ABCB1: variants seen among roughly 807,000 people sequenced by gnomAD.
The protein encoded by ABCB1 is ATP-dependent translocase ABCB1.
In ABCB1, 69 loss-of-function variants were observed where a neutral mutation model predicts 142.0. That is an observed-to-expected ratio of 0.49 (90% CI 0.40 to 0.59). The LOEUF is 0.59. ABCB1 is among the 20% of genes least tolerant of loss of function. The pLI is 0.00. For missense variants in ABCB1, 1,326 were observed against 1,554.7 expected, an observed-to-expected ratio of 0.85 and a Z score of 2.47; for synonymous variants, 532 against 539.2, an observed-to-expected ratio of 0.99 and a Z score of 0.18.
At chr7:87,600,265 C>G (rs1168463915) in intron 1 of ABCB1, 75 bp from the exon 2 acceptor site, 21 of 1,241,664 alleles carry the variant, frequency 1.7e-5, no homozygotes, top group Non-Finnish European at 2.4e-5. Flanking sequence ...ACCTCTAGTC[C>G]CCCGTCGAAG....
chr7:87,683,808 G>A (rs1827175501), intron 1 of ABCB1, among the ~76,000 whole-genome samples: 1 of 152,182 alleles, frequency 6.6e-6, no homozygotes, highest in Admixed American at 6.5e-5. Flanking sequence ...CGAAAGACTT[G>A]CTGGATGCAA....
chr7:87,523,867 T>C (rs1381705028), intron 21 of ABCB1, among the ~76,000 whole-genome samples: 1 of 152,172 alleles, frequency 6.6e-6, no homozygotes, highest in Non-Finnish European at 1.5e-5. Context: ...GTCTCTAAAG[T>C]CCCTTTTAAT....
chr7:87,593,753 A>G (rs2129971085), intron 3 of ABCB1, among the ~76,000 whole-genome samples: 1 of 152,336 alleles, frequency 6.6e-6, no homozygotes, highest in East Asian at 1.9e-4. Context: ...GATAAACAGC[A>G]TTCTACAAGT....
At chr7:87,674,934 G>C (rs1400583152) in intron 1 of ABCB1, among the ~76,000 whole-genome samples, 2 of 152,196 alleles carry the variant, frequency 1.3e-5, no homozygotes, top group African/African-American at 4.8e-5. Context: ...CCTTGGATGT[G>C]CTCCAGTGCA....
At chr7:87,610,232 CT>C (rs914468581) in intron 1 of ABCB1, among the ~76,000 whole-genome samples, 7,896 of 117,014 alleles carry the variant, frequency 0.067, 217 homozygotes, top group African/African-American at 0.11. Context: ...CTTTTTCTTT[CT>C]TTTTTTTTTT....
At chr7:87,709,744 T>G (rs1465588778) in intron 1 of ABCB1, among the ~76,000 whole-genome samples, 1 of 152,204 alleles carries the variant, frequency 6.6e-6, no homozygotes. Flanking sequence ...ATACTGCCAT[T>G]GCAGTGTTTC....
At chr7:87,641,280 G>A (rs974245143) in intron 1 of ABCB1, among the ~76,000 whole-genome samples, 4 of 152,112 alleles carry the variant, frequency 2.6e-5, no homozygotes, top group Admixed American at 6.6e-5. Flanking sequence ...GAAAGATATC[G>A]CCAACAGTTT....
At chr7:87,517,985 C>T (rs1415686768) in intron 23 of ABCB1, among the ~76,000 whole-genome samples, 1 of 152,182 alleles carries the variant, frequency 6.6e-6, no homozygotes, top group Non-Finnish European at 1.5e-5. Flanking sequence ...TGAAATATTG[C>T]TAAAAACTCC....
chr7:87,521,240 T>C, intron 21 of ABCB1: 1 of 352,794 alleles, frequency 2.8e-6, no homozygotes. Context: ...ACAGTTATTT[T>C]ACACTTATTT....
intron 1 of ABCB1, among the ~76,000 whole-genome samples, chr7:87,688,171 T>C (rs1388513204): frequency 1.3e-5 from 2 of 152,152 alleles, no homozygotes; most frequent in Non-Finnish European, 2.9e-5. Context: ...GAAGCAGATA[T>C]TGTATCTCAG....
intron 5 of ABCB1, 144 bp from the exon 6 acceptor site, chr7:87,567,120 T>A: frequency 1.3e-6 from 1 of 764,854 alleles, no homozygotes; most frequent in Non-Finnish European, 2.3e-6. Context: ...ACAAGCAGAG[T>A]TGATAGTCAC....
intron 1 of ABCB1, among the ~76,000 whole-genome samples, chr7:87,622,214 A>T (rs1164029798): frequency 6.6e-6 from 1 of 152,180 alleles, no homozygotes; most frequent in East Asian, 1.9e-4. Flanking sequence ...TTTGCCATAC[A>T]TACAATAAAC....
At chr7:87,610,445 A>G (rs1003066413) in intron 1 of ABCB1, among the ~76,000 whole-genome samples, 3 of 120,392 alleles carry the variant, frequency 2.5e-5, no homozygotes, top group African/African-American at 9.9e-5. Context: ...CTGCCTGTGT[A>G]GCCCAGGCTG....
intron 25 of ABCB1, among the ~76,000 whole-genome samples, chr7:87,513,589 A>G (rs1815110083): frequency 6.6e-6 from 1 of 152,188 alleles, no homozygotes; most frequent in Admixed American, 6.5e-5. Context: ...TTTGAGAACC[A>G]CTACTCAAAC....
Position 87,531,743 on chromosome 7 carries a change from T to C in ABCB1, c.2482-246A>G, listed in dbSNP as rs546250769. 4 of 468,982 alleles carry C rather than the reference T, an allele frequency of 8.5e-6. No individual in the cohort carries two copies. The South Asian group carries it at 9.8e-5, about 12-fold the overall frequency. The allele number at this position is 468,982 out of a possible 1,614,324, so 29.1% of individuals were successfully genotyped here. On this transcript the variant is annotated intron_variant, in intron 20 of 27. Transcript: ENST00000622132. ...CATATTCCTATCTCTTTGGATCTTT[T>C]AATACCAAGAAAACCTTCATTAATC...
At chr7:87,626,166 CAT>C (rs1286099631) in intron 1 of ABCB1, among the ~76,000 whole-genome samples, 2 of 128,656 alleles carry the variant, frequency 1.6e-5, no homozygotes, top group Admixed American at 8.0e-5. Flanking sequence ...ATATATGTGT[CAT>C]ATATATTGTC....
At chr7:87,545,070 G>T in intron 15 of ABCB1, 71 bp from the exon 16 acceptor site, 1 of 1,423,686 alleles carries the variant, frequency 7.0e-7, no homozygotes, top group Non-Finnish European at 9.8e-7. Flanking sequence ...ATCACTGAAT[G>T]TCAGCTATCA....
At chr7:87,590,965 C>A (rs1818977008) in intron 3 of ABCB1, among the ~76,000 whole-genome samples, 1 of 152,136 alleles carries the variant, frequency 6.6e-6, no homozygotes, top group East Asian at 1.9e-4. Context: ...AATTCTCCCC[C>A]CACAGCCTGT....
chr7:87,634,843 G>T (rs1029583690), intron 1 of ABCB1, among the ~76,000 whole-genome samples: 1 of 152,056 alleles, frequency 6.6e-6, no homozygotes, highest in Non-Finnish European at 1.5e-5. Flanking sequence ...TTGGAAGCAG[G>T]TTCAGTATTA....
Sources: allele counts gnomAD v4.1 joint callset (sites outside exome capture counted in the v4.1 genomes callset), GRCh38; gene constraint gnomAD v4.1.1; transcripts MANE v1.5; gene names NCBI Gene and HGNC (gene_info 2026-07-23, HGNC 2026-07-21).